Variants in SUCLG2 observed in about 807,000 individuals in gnomAD.
SUCLG2 encodes the protein succinate-CoA ligase GDP-forming subunit beta.
In SUCLG2, 42 loss-of-function variants were observed where a neutral mutation model predicts 47.9. The observed-to-expected ratio is 0.88, with a 90% CI of 0.69 to 1.14. The LOEUF is 1.14. Among genes scored for constraint, SUCLG2 ranks in the 50% most tolerant of loss-of-function variants. The pLI is 0.00. For synonymous variants in SUCLG2, 195 were observed against 197.3 expected (o/e 0.99, Z 0.10); for missense variants, 571 against 525.9 (o/e 1.09, Z -0.84).
At chr3:67,485,771 A>G (rs1392400530) in intron 9 of SUCLG2, among the ~76,000 whole-genome samples, 1 of 152,238 alleles carries the variant, frequency 6.6e-6, no homozygotes, top group Non-Finnish European at 1.5e-5. Context: ...TTGTAAGGAA[A>G]GCATTCTTAA....
At chr3:67,522,395 T>A (rs1490674742) in intron 4 of SUCLG2, among the ~76,000 whole-genome samples, 1 of 152,028 alleles carries the variant, frequency 6.6e-6, no homozygotes, top group African/African-American at 2.4e-5. Context: ...GCTACTTTAG[T>A]GAGTATTTTT....
chr3:67,383,561 T>A (rs944935658), intron 10 of SUCLG2, among the ~76,000 whole-genome samples: 1 of 152,184 alleles, frequency 6.6e-6, no homozygotes, highest in Admixed American at 6.5e-5. Context: ...GGTGTGAATG[T>A]GATAGTTATT....
intron 10 of SUCLG2, among the ~76,000 whole-genome samples, chr3:67,369,684 G>A (rs1201225716): frequency 6.6e-6 from 1 of 152,202 alleles, no homozygotes; most frequent in Non-Finnish European, 1.5e-5. Flanking sequence ...TACCTAGTTG[G>A]AGGCGTATGC....
intron 9 of SUCLG2, among the ~76,000 whole-genome samples, chr3:67,410,751 A>T (rs903552402): frequency 3.3e-5 from 5 of 152,216 alleles, no homozygotes; most frequent in African/African-American, 1.2e-4. Context: ...AGGCTTAAAA[A>T]AAGAGTCATA....
At chr3:67,647,246 T>A (rs1241592670) in intron 1 of SUCLG2, among the ~76,000 whole-genome samples, 1 of 152,092 alleles carries the variant, frequency 6.6e-6, no homozygotes, top group Non-Finnish European at 1.5e-5. Context: ...AATTCATATA[T>A]TATGTCAAAT....
chr3:67,467,626 A>G (rs1264881419), intron 9 of SUCLG2, among the ~76,000 whole-genome samples: 2 of 152,202 alleles, frequency 1.3e-5, no homozygotes, highest in Non-Finnish European at 2.9e-5. Context: ...TCATTCAACA[A>G]ATATCTAATA....
At chr3:67,514,347 A>G (rs1437845883) in intron 6 of SUCLG2, 1 of 338,928 alleles carries the variant, frequency 3.0e-6, no homozygotes, top group African/African-American at 2.2e-5. Context: ...GACTATGTGT[A>G]TTCTTGCTGA....
At chr3:67,609,325 T>C (rs1035981387) in intron 2 of SUCLG2, 130 bp downstream of exon 2, 1 of 1,108,460 alleles carries the variant, frequency 9.0e-7, no homozygotes, top group Admixed American at 2.4e-5. Context: ...GCTTTTGCAG[T>C]TCTAAGCTCT....
intron 10 of SUCLG2, among the ~76,000 whole-genome samples, chr3:67,382,086 T>TA (rs1410958939): frequency 4.6e-5 from 7 of 152,200 alleles, no homozygotes; most frequent in Non-Finnish European, 1.0e-4. Flanking sequence ...GTTATTATTT[T>TA]AATAGGAATT....
intron 2 of SUCLG2, among the ~76,000 whole-genome samples, chr3:67,563,134 T>A (rs1707352722): frequency 1.3e-5 from 2 of 150,544 alleles, no homozygotes; most frequent in Non-Finnish European, 3.0e-5. Context: ...ATATAATACA[T>A]ACATTTTTTA....
At chr3:67,380,235 A>G (rs1702125418) in intron 10 of SUCLG2, among the ~76,000 whole-genome samples, 1 of 150,816 alleles carries the variant, frequency 6.6e-6, no homozygotes, top group Non-Finnish European at 1.5e-5. Context: ...TTTGCTGGGA[A>G]GGGCCCAGGA....
chr3:67,480,964 G>A (rs6792584), intron 9 of SUCLG2, among the ~76,000 whole-genome samples: 117,810 of 152,114 alleles, frequency 0.77, 45,909 homozygotes, highest in Admixed American at 0.84. Flanking sequence ...TGTGATTACC[G>A]CAGCCCATAA....
intron 9 of SUCLG2, among the ~76,000 whole-genome samples, chr3:67,463,929 C>T (rs1220243530): frequency 6.6e-6 from 1 of 152,234 alleles, no homozygotes; most frequent in Non-Finnish European, 1.5e-5. Context: ...GGTATGAAAA[C>T]AGCAGCAGGG....
chr3:67,555,610 G>T (rs1369049728), intron 2 of SUCLG2, among the ~76,000 whole-genome samples: 2 of 152,184 alleles, frequency 1.3e-5, no homozygotes, highest in African/African-American at 4.8e-5. Context: ...TAAGGAAGTG[G>T]TTAAAGAAAT....
chr3:67,554,636 G>A (rs1032874454), intron 2 of SUCLG2, among the ~76,000 whole-genome samples: 13 of 152,040 alleles, frequency 8.6e-5, no homozygotes, highest in African/African-American at 2.7e-4. Context: ...AAAATAATAC[G>A]TTGAAAACTT....
At chr3:67,572,088 T>A (rs1707628248) in intron 2 of SUCLG2, among the ~76,000 whole-genome samples, 1 of 152,230 alleles carries the variant, frequency 6.6e-6, no homozygotes, top group Admixed American at 6.5e-5. Flanking sequence ...TCCTTTATGA[T>A]CATCTTCCAG....
At chr3:67,516,138 G>A (rs995009634) in intron 6 of SUCLG2, among the ~76,000 whole-genome samples, 1 of 152,170 alleles carries the variant, frequency 6.6e-6, no homozygotes, top group African/African-American at 2.4e-5. Flanking sequence ...ATTCCAAGCT[G>A]CTGAGAAAAT....
At position 67,375,214 on chromosome 3, in the gene SUCLG2, C is replaced by A. The variant is rs1702011311; in HGVS notation, c.*530G>T. 1.0e-6 allele frequency: 1 copy of A among 985,660 alleles called. No homozygotes were observed. The highest frequency in any genetic ancestry group is 1.7e-5 in the African/African-American group (1 of 57,216). 61.1% of individuals were successfully genotyped at this position (985,660 alleles called of 1,614,324 possible). On this transcript the variant is annotated 3_prime_UTR_variant, in exon 11 of 11. Transcript: ENST00000307227. ...TTCAAACATATGTTAGAATTAGAAA[C>A]CTGTAAAATCTGCAGTAGTGTGTAA...
intron 2 of SUCLG2, among the ~76,000 whole-genome samples, chr3:67,570,540 G>A (rs1203252476): frequency 6.6e-6 from 1 of 152,322 alleles, no homozygotes; most frequent in African/African-American, 2.4e-5. Flanking sequence ...TAGGGGCTGG[G>A]CATGACAGAA....
Sources: allele counts gnomAD v4.1 joint callset (sites outside exome capture counted in the v4.1 genomes callset), GRCh38; gene constraint gnomAD v4.1.1; transcripts MANE v1.5; gene names NCBI Gene and HGNC (gene_info 2026-07-23, HGNC 2026-07-21).